PLXNA4: variants seen among roughly 807,000 people sequenced by gnomAD.
PLXNA4 encodes plexin A4.
Under a neutral mutation model 191.8 loss-of-function variants are expected in PLXNA4, and 44 were observed. The observed-to-expected ratio is 0.23, with a 90% CI of 0.18 to 0.29. PLXNA4 has a LOEUF of 0.29. Ranked by LOEUF, PLXNA4 falls within the 10% of genes least tolerant of loss-of-function variation. PLXNA4 has a pLI of 1.00. For missense variants in PLXNA4, 1,800 were observed against 2,488.8 expected, an observed-to-expected ratio of 0.72 and a Z score of 5.89; for synonymous variants, 1,082 against 1,009.5, an observed-to-expected ratio of 1.07 and a Z score of -1.36.
In PLXNA4 at chr7:132,125,086, A is replaced by G. The variant is rs1433477748; in HGVS notation, c.*5393T>C. The G allele has an allele frequency of 6.6e-6, 1 of 151,886 alleles. No individual in the cohort carries two copies. The highest frequency in any genetic ancestry group is 2.4e-5 in the African/African-American group (1 of 41,350). The allele number at this position is 151,886 out of a possible 1,614,324, so 9.4% of individuals were successfully genotyped here. A position where few individuals can be genotyped will look rare whatever the true frequency, so the allele number is the denominator to read the frequency against. Reference sequence around the variant, plus strand: ...ATGTCTGAAACTTTTACTGCAGTGGATTACTTTCCAAATGAGAGGAGTGGT... The same window carrying G: ...ATGTCTGAAACTTTTACTGCAGTGGGTTACTTTCCAAATGAGAGGAGTGGT... On this transcript the variant is annotated 3_prime_UTR_variant, in exon 32 of 32. Transcript: ENST00000321063.
chr7:132,133,183 C>T lies in PLXNA4; in HGVS notation c.5455G>A (p.Gly1819Arg), dbSNP rs1396556041. Residue 1819 changes from glycine to arginine, a missense_variant, in exon 31 of 32, where the codon GGG (glycine) becomes AGG (arginine). Gly to Arg is a moderately radical substitution (Grantham distance 125). Transcript: ENST00000321063. The part of the protein sequence containing the change: ...NWVERYYSDI[G>R]KMPAISDQDM... ...TGGTCGCTGATGGCTGGCATCTTCC[C>T]TATGTCTGAGTAATACCTGTGGAGG... 1 of 1,614,008 alleles carries T rather than the reference C, an allele frequency of 6.2e-7. No individual in the cohort carries two copies. The highest frequency in any genetic ancestry group is 8.5e-7 in the Non-Finnish European group (1 of 1,179,994).
chr7:132,145,109 C>G lies in PLXNA4; in HGVS notation c.5225+10G>C. The stretch of plus-strand genomic sequence containing the variant: ...GCTCCCGATGTGCCCCCTGCCCTCC[C>G]TTCACTCACCAATTGCTCTTCCAGG... On this transcript the variant is annotated intron_variant, in intron 29 of 31. Coordinates refer to ENST00000321063, the MANE Select transcript of PLXNA4 (RefSeq NM_020911.2). 1 of 1,614,032 alleles carries G rather than the reference C, an allele frequency of 6.2e-7. No individual in the cohort carries two copies. The highest frequency in any genetic ancestry group is 8.5e-7 in the Non-Finnish European group (1 of 1,179,970).
At chr7:132,322,172 TC>T (rs941757850) in intron 3 of PLXNA4, among the ~76,000 whole-genome samples, 1 of 143,352 alleles carries the variant, frequency 7.0e-6, no homozygotes, top group African/African-American at 2.7e-5. Context: ...GAGTTCAATT[TC>T]CCTAAAAGGG....
chr7:132,151,276 AAGG>A (rs1266267515), intron 25 of PLXNA4, among the ~76,000 whole-genome samples: 35 of 98,248 alleles, frequency 3.6e-4, no homozygotes, highest in African/African-American at 9.1e-4. Context: ...GAGGAAGAAG[AAGG>A]AGGAGGAGGA....
At position 132,147,883 on chromosome 7, in the gene PLXNA4, A is replaced by G. The variant is rs1399313358; in HGVS notation, c.4864+17T>C. 6 of 1,613,158 alleles carry G rather than the reference A, an allele frequency of 3.7e-6. No homozygotes were observed. The highest frequency in any genetic ancestry group is 4.2e-6 in the Non-Finnish European group (5 of 1,179,756). ...CAGGACACCCAGGCCTCCCTAGGAC[A>G]CTCGGTGGGATCTTACCATATTTAC... On this transcript the variant is annotated intron_variant, in intron 27 of 31. Coordinates refer to ENST00000321063, the MANE Select transcript of PLXNA4 (RefSeq NM_020911.2).
chr7:132,400,145 G>T (rs59968209), intron 3 of PLXNA4, among the ~76,000 whole-genome samples: 13,336 of 152,100 alleles, frequency 0.088, 1,180 homozygotes, highest in African/African-American at 0.2. Flanking sequence ...TAGTCTGTCT[G>T]TGTATTTGTT....
intron 2 of PLXNA4, among the ~76,000 whole-genome samples, chr7:132,598,400 C>T (rs768893213): frequency 2.3e-4 from 35 of 152,174 alleles, no homozygotes; most frequent in Non-Finnish European, 4.1e-4. Context: ...TGAGCCACTG[C>T]GCCTGGCCAA....
intron 1 of PLXNA4, among the ~76,000 whole-genome samples, chr7:132,535,048 G>A (rs1250811917): frequency 6.6e-6 from 1 of 152,112 alleles, no homozygotes; most frequent in Non-Finnish European, 1.5e-5. Context: ...AATAATGCAG[G>A]CACTGGTAAT....
intron 4 of PLXNA4, among the ~76,000 whole-genome samples, chr7:132,291,242 C>T (rs578021094): frequency 4.6e-5 from 7 of 152,332 alleles, no homozygotes; most frequent in African/African-American, 1.7e-4. Flanking sequence ...CCACTTCACT[C>T]TCTTCTGCTT....
chr7:132,340,059 C>T (rs1485383592), intron 3 of PLXNA4, among the ~76,000 whole-genome samples: 1 of 152,092 alleles, frequency 6.6e-6, no homozygotes, highest in African/African-American at 2.4e-5. Context: ...AATTATGGGC[C>T]CAACAGATCT....
chr7:132,641,260 A>C (rs1803738345), intron 2 of PLXNA4, among the ~76,000 whole-genome samples: 1 of 152,240 alleles, frequency 6.6e-6, no homozygotes, highest in Non-Finnish European at 1.5e-5. Context: ...TGGCTTAAAC[A>C]ACAGAGCTTT....
intron 3 of PLXNA4, among the ~76,000 whole-genome samples, chr7:132,445,566 C>T (rs1407502691): frequency 1.3e-5 from 2 of 152,088 alleles, no homozygotes; most frequent in Non-Finnish European, 2.9e-5. Context: ...ATCATGGTCA[C>T]AGCTATGTAG....
intron 3 of PLXNA4, among the ~76,000 whole-genome samples, chr7:132,464,522 G>C (rs1357931078): frequency 6.6e-6 from 1 of 152,172 alleles, no homozygotes; most frequent in Non-Finnish European, 1.5e-5. Flanking sequence ...TGCATCTCAG[G>C]TGGGTGTGCA....
chr7:132,306,729 C>A (rs1490752831), intron 3 of PLXNA4, among the ~76,000 whole-genome samples: 2 of 152,160 alleles, frequency 1.3e-5, no homozygotes, highest in Non-Finnish European at 2.9e-5. Flanking sequence ...CCAGGAGACA[C>A]AAATGCACAC....
At chr7:132,288,948 G>T (rs1290089298) in intron 4 of PLXNA4, among the ~76,000 whole-genome samples, 1 of 152,216 alleles carries the variant, frequency 6.6e-6, no homozygotes, top group East Asian at 1.9e-4. Context: ...GAGGTGCAAA[G>T]AAATGGTAAT....
chr7:132,343,195 T>A (rs1195543085), intron 3 of PLXNA4, among the ~76,000 whole-genome samples: 1 of 152,114 alleles, frequency 6.6e-6, no homozygotes, highest in East Asian at 1.9e-4. Flanking sequence ...GTGAGATCCT[T>A]CCATGGAAAA....
intron 2 of PLXNA4, among the ~76,000 whole-genome samples, chr7:132,615,719 G>A (rs78343412): frequency 0.019 from 2,820 of 152,222 alleles, 79 homozygotes; most frequent in African/African-American, 0.063. Context: ...CCCCATTTGA[G>A]CCAGAGGAAG....
intron 3 of PLXNA4, among the ~76,000 whole-genome samples, chr7:132,392,900 G>A (rs1299068528): frequency 1.3e-5 from 2 of 152,124 alleles, no homozygotes; most frequent in African/African-American, 4.8e-5. Context: ...AGGAGCCCTA[G>A]GAGATGCCGC....
At chr7:132,384,504 G>C in intron 3 of PLXNA4, 1 of 986,500 alleles carries the variant, frequency 1.0e-6, no homozygotes, top group Non-Finnish European at 1.2e-6. Context: ...TGTAACCATA[G>C]TCTTAAGGAA....
Sources: gnomAD v4.1 joint callset for allele counts (sites outside exome capture counted in the v4.1 genomes callset) on GRCh38, gnomAD v4.1.1 for gene constraint, MANE v1.5 for transcripts, NCBI Gene and HGNC (gene_info 2026-07-23, HGNC 2026-07-21) for gene names.